Variants in SLC30A5 observed in about 807,000 individuals in gnomAD.
SLC30A5 encodes the protein proton-coupled zinc antiporter SLC30A5.
In SLC30A5, 33 loss-of-function variants were observed where a neutral mutation model predicts 79.6. That is an observed-to-expected ratio of 0.41 (90% CI 0.31 to 0.55). The LOEUF is 0.55. SLC30A5 is among the 20% of genes least tolerant of loss of function. The pLI, the probability that SLC30A5 is intolerant of heterozygous loss-of-function variation, is 0.20. For missense variants in SLC30A5, 788 were observed against 928.1 expected (o/e 0.85, Z 1.96); for synonymous variants, 299 against 319.7 (o/e 0.94, Z 0.69).
intron 2 of SLC30A5, among the ~76,000 whole-genome samples, chr5:69,102,109 A>G (rs1175081281): frequency 3.9e-5 from 5 of 129,622 alleles, no homozygotes; most frequent in Admixed American, 8.9e-5. Flanking sequence ...GCTGGAGTGC[A>G]GTGGCTCAAT....
intron 5 of SLC30A5, among the ~76,000 whole-genome samples, chr5:69,110,266 T>C (rs1405070515): frequency 6.6e-6 from 1 of 152,156 alleles, no homozygotes; most frequent in Non-Finnish European, 1.5e-5. Flanking sequence ...CTCCCACCAC[T>C]GTGACTGATC....
intron 4 of SLC30A5, 135 bp downstream of exon 4, chr5:69,104,851 C>T: frequency 1.3e-6 from 1 of 798,338 alleles, no homozygotes. Context: ...AGAGAGAATT[C>T]AACAGATAGA....
At chr5:69,103,265 T>C (rs1223493831) in intron 3 of SLC30A5, 137 bp downstream of exon 3, 1 of 570,074 alleles carries the variant, frequency 1.8e-6, no homozygotes, top group African/African-American at 1.9e-5. Flanking sequence ...AACTTGCTCT[T>C]GTCTTTTCAG....
rs949220291 is a variant in SLC30A5 at position 69,129,595 on chromosome 5, A to C, written c.2276A>C (p.Lys759Thr). ...TKQMESMKYC[K>T]DGTYIM ...CAAATGGAATCCATGAAATACTGCA[A>C]AGATGGTACTTACATCATGTGAGAT... The change falls in exon 16 of 16, where the codon AAA becomes ACA. Residue 759 changes from lysine (K) to threonine (T), a missense_variant. Lys to Thr is a moderately conservative substitution (Grantham distance 78). Around this residue, in one of 3 missense-constraint regions of SLC30A5, gnomAD observed 158 missense variants for 156.2 expected, o/e 1.01. Transcript: ENST00000396591. 6.2e-7 allele frequency: 1 copy of C among 1,612,790 alleles called. No individual in the cohort carries two copies. Among genetic ancestry groups the C allele is most frequent in the Admixed American group, 1.7e-5 (1 of 59,882 alleles).
At position 69,121,914 on chromosome 5, in the gene SLC30A5, T is replaced by G. The variant is rs543873070; in HGVS notation, c.1771+19T>G. ...ATGAGGGGTGAGTCCTTGCAAAATA[T>G]TATCCTACTTTTCAACTGTGTTCTA... On this transcript the variant is annotated intron_variant, in intron 13 of 15. Transcript: ENST00000396591. 1.2e-4 allele frequency: 186 copies of G among 1,594,064 alleles called. 2 individuals are homozygous for G. In the South Asian group the frequency reaches 2.0e-3, roughly 17 times the overall value.
rs1383632368 is a variant in SLC30A5 at position 69,099,327 on chromosome 5, A to AT, written c.84-1473dup. On this transcript the variant is annotated intron_variant, in intron 1 of 15. Transcript: ENST00000396591. ...TCTCTCTGAATGCACACACACAGGT[A>AT]TTTTTTTCCCCTGGACTATTTGAGA... Among the ~76,000 whole-genome samples the AT allele has an allele frequency of 5.9e-5, 9 of 152,128 alleles. No individual in the cohort carries two copies. In the East Asian group the frequency reaches 1.7e-3, roughly 29 times the overall value.
At chr5:69,104,563 T>C in intron 3 of SLC30A5, 68 bp from the exon 4 acceptor site, 1 of 1,460,832 alleles carries the variant, frequency 6.8e-7, no homozygotes, top group South Asian at 1.3e-5. Context: ...CTGTATTTTA[T>C]TTAAAATTTG....
At chr5:69,106,976 C>A (rs1371359399) in intron 4 of SLC30A5, among the ~76,000 whole-genome samples, 1 of 151,838 alleles carries the variant, frequency 6.6e-6, no homozygotes. Flanking sequence ...GGGATCCTCC[C>A]ACCTCAGCCT....
At chr5:69,102,050 CTTTT>C (rs758327246) in intron 2 of SLC30A5, among the ~76,000 whole-genome samples, 1 of 99,396 alleles carries the variant, frequency 1.0e-5, no homozygotes, top group African/African-American at 4.3e-5. Flanking sequence ...CAGTGACGTG[CTTTT>C]TTTTTTTTTT....
At position 69,121,372 on chromosome 5, in the gene SLC30A5, C is replaced by T. The variant is rs548440774; in HGVS notation, c.1570-322C>T. On this transcript the variant is annotated intron_variant, in intron 12 of 15. Coordinates refer to ENST00000396591, the MANE Select transcript of SLC30A5 (RefSeq NM_022902.5). The stretch of plus-strand genomic sequence containing the variant: ...TGCCCTAGTAAGCAGTACTTTCAAA[C>T]TCTTCAATAAACAAAACAAAACTTT... 2.0e-5 allele frequency among the ~76,000 whole-genome samples: 3 copies of T among 152,248 alleles called. No individual in the cohort carries two copies. The East Asian group carries it at 5.8e-4, about 29-fold the overall frequency.
At chr5:69,122,005 C>T in intron 13 of SLC30A5, 110 bp downstream of exon 13, 1 of 766,230 alleles carries the variant, frequency 1.3e-6, no homozygotes, top group Non-Finnish European at 2.1e-6. Flanking sequence ...TTTTAAAAAG[C>T]AATCTGTGAC....
intron 12 of SLC30A5, 51 bp from the exon 13 acceptor site, chr5:69,121,643 A>G: frequency 7.9e-7 from 1 of 1,269,146 alleles, no homozygotes; most frequent in Non-Finnish European, 1.1e-6. Flanking sequence ...TTAAATAACA[A>G]GTCTATTTTT....
Position 69,130,686 on chromosome 5 carries a change from T to C in SLC30A5, c.*1069T>C, listed in dbSNP as rs1299438096. 6.6e-6 allele frequency: 1 copy of C among 152,172 alleles called. No homozygotes were observed. The highest frequency in any genetic ancestry group is 1.5e-5 in the Non-Finnish European group (1 of 68,018). 9.4% of individuals were successfully genotyped at this position (152,172 alleles called of 1,614,324 possible). ...ACTTTCTATAGTCATATCTAATTTA[T>C]ATTTTTTTCATTTCCAGTTGTAACT... On this transcript the variant is annotated 3_prime_UTR_variant, in exon 16 of 16. Transcript: ENST00000396591.
At chr5:69,117,427 C>A in intron 11 of SLC30A5, 31 bp downstream of exon 11, 1 of 1,585,516 alleles carries the variant, frequency 6.3e-7, no homozygotes, top group Middle Eastern at 1.7e-4. Flanking sequence ...GGTGGTATAT[C>A]TTAAGTGCAA....
At chr5:69,109,272 A>T (rs951539469) in intron 5 of SLC30A5, among the ~76,000 whole-genome samples, 2 of 152,172 alleles carry the variant, frequency 1.3e-5, no homozygotes, top group African/African-American at 2.4e-5. Context: ...GATTATATAC[A>T]TTGCATGCCT....
At chr5:69,122,221 A>C (rs1746555830) in intron 13 of SLC30A5, among the ~76,000 whole-genome samples, 1 of 152,114 alleles carries the variant, frequency 6.6e-6, no homozygotes, top group African/African-American at 2.4e-5. Flanking sequence ...ATATGGTGAA[A>C]CCCTGTGCCT....
chr5:69,097,902 T>G (rs1409136623), intron 1 of SLC30A5, among the ~76,000 whole-genome samples: 2 of 152,090 alleles, frequency 1.3e-5, no homozygotes, highest in Non-Finnish European at 2.9e-5. Context: ...AAAACCAGGC[T>G]AAGTAACCTA....
intron 12 of SLC30A5, among the ~76,000 whole-genome samples, chr5:69,119,468 A>C (rs1375039634): frequency 2.6e-5 from 4 of 152,120 alleles, no homozygotes; most frequent in Non-Finnish European, 4.4e-5. Flanking sequence ...ATTCTTCCAC[A>C]ATTAAGATAT....
At chr5:69,115,582 G>A (rs1746345253) in intron 8 of SLC30A5, among the ~76,000 whole-genome samples, 175 bp downstream of exon 8, 1 of 151,974 alleles carries the variant, frequency 6.6e-6, no homozygotes, top group Non-Finnish European at 1.5e-5. Flanking sequence ...TAATTTTATT[G>A]TTTATAGAAA....
Sources: allele counts gnomAD v4.1 joint callset (sites outside exome capture counted in the v4.1 genomes callset), GRCh38; gene constraint gnomAD v4.1.1; regional missense constraint gnomAD v4.1.1; transcripts MANE v1.5; gene names NCBI Gene and HGNC (gene_info 2026-07-23, HGNC 2026-07-21).